The following GMFB variants were observed in gnomAD, a reference collection of about 807,000 sequenced individuals.
The protein encoded by GMFB is glia maturation factor beta.
GMFB carries 13 observed loss-of-function variants against 25.6 expected under a neutral mutation model. That is an observed-to-expected ratio of 0.51 (90% CI 0.33 to 0.81). The LOEUF is 0.81. GMFB is among the 30% of genes least tolerant of loss of function. The pLI, the probability that GMFB is intolerant of heterozygous loss-of-function variation, is 0.02. For synonymous variants in GMFB, 57 were observed against 56.9 expected (o/e 1.00, Z 0.00); for missense variants, 146 against 175.4 (o/e 0.83, Z 0.95).
At chr14:54,481,006 T>C (rs2031704112) in intron 4 of GMFB, 50 bp from the exon 5 acceptor site, 2 of 835,234 alleles carry the variant, frequency 2.4e-6, no homozygotes, top group Non-Finnish European at 4.0e-6. Context: ...GACAGGTATT[T>C]ACCAACACCT....
intron 2 of GMFB, 198 bp downstream of exon 2, chr14:54,483,473 G>A (rs541327450): frequency 3.6e-6 from 2 of 554,394 alleles, no homozygotes; most frequent in Non-Finnish European, 6.4e-6. Context: ...GACTATGGGG[G>A]AGGTGGGACA....
intron 1 of GMFB, chr14:54,484,100 ACTGT>A: frequency 2.7e-6 from 1 of 365,118 alleles, no homozygotes; most frequent in African/African-American, 2.1e-5. Flanking sequence ...GTCAAGAATC[ACTGT>A]CTGCTGTTAG....
At position 54,480,882 on chromosome 14, in the gene GMFB, C is replaced by A; in HGVS notation, c.275G>T (p.Ser92Ile). 1 of 1,484,386 alleles carries A rather than the reference C, an allele frequency of 6.7e-7. No homozygotes were observed. Among genetic ancestry groups the A allele is most frequent in the Non-Finnish European group, 9.3e-7 (1 of 1,070,546 alleles). 92.0% of individuals were successfully genotyped at this position (1,484,386 alleles called of 1,614,324 possible). ...VSYPLCFIFS[S>I]PVGCKPEQQM... ...TAAAGAAATTCACTTACCAACAGGACTGGAGAAAATAAAGCACAGAGGATA... is the reference window on the plus strand; with the variant it reads ...TAAAGAAATTCACTTACCAACAGGAATGGAGAAAATAAAGCACAGAGGATA... The change falls in exon 5 of 7, where the codon AGT (serine) becomes ATT (isoleucine). Residue 92 changes from serine (S) to isoleucine (I), a missense_variant. By Grantham distance (142) the Ser-to-Ile change is moderately radical (BLOSUM62 -2). Coordinates refer to ENST00000358056, the MANE Select transcript of GMFB (RefSeq NM_004124.3).
chr14:54,488,672 G>A (rs2031823000), intron 1 of GMFB: 2 of 434,428 alleles, frequency 4.6e-6, no homozygotes, highest in African/African-American at 2.1e-5. Context: ...CCCCCTGCTC[G>A]TGGCCGCACC....
intron 1 of GMFB, among the ~76,000 whole-genome samples, chr14:54,488,408 G>A (rs1303988310): frequency 6.6e-6 from 1 of 152,238 alleles, no homozygotes; most frequent in Non-Finnish European, 1.5e-5. Flanking sequence ...TCTGTAGGAA[G>A]CTAGGGAAAG....
intron 2 of GMFB, 98 bp from the exon 3 acceptor site, chr14:54,482,300 T>A (rs1051026259): frequency 1.1e-5 from 8 of 731,870 alleles, no homozygotes; most frequent in Non-Finnish European, 1.9e-5. Context: ...ACATCTAAAA[T>A]TAAAACATCA....
In GMFB at chr14:54,488,915, G is replaced by A. The variant is rs2031827821; in HGVS notation, c.3+10C>T. 2.6e-6 allele frequency: 4 copies of A among 1,561,866 alleles called. No homozygotes were observed. The highest frequency in any genetic ancestry group is 1.2e-5 in the South Asian group (1 of 85,832). ...GCCCTCCGGCCCCCGCCCTCCCAGCGGCAACTCACCATTTTCCTTCCGGCC... is the reference window on the plus strand; with the variant it reads ...GCCCTCCGGCCCCCGCCCTCCCAGCAGCAACTCACCATTTTCCTTCCGGCC... On this transcript the variant is annotated intron_variant, in intron 1 of 6. Coordinates refer to ENST00000358056, the MANE Select transcript of GMFB (RefSeq NM_004124.3).
chr14:54,487,113 G>A (rs1435724941), intron 1 of GMFB, among the ~76,000 whole-genome samples: 1 of 152,156 alleles, frequency 6.6e-6, no homozygotes, highest in Admixed American at 6.5e-5. Context: ...TATAGATCTG[G>A]GGTCAGGCGC....
At chr14:54,483,228 C>T (rs1323000724) in intron 2 of GMFB, 1 of 155,560 alleles carries the variant, frequency 6.4e-6, no homozygotes, top group Admixed American at 6.3e-5. Context: ...AAGTACTCTT[C>T]CTGAAACCAG....
rs549670009 is a variant in GMFB, at chr14:54,477,299, G to C, written c.*789C>G. On this transcript the variant is annotated 3_prime_UTR_variant, in exon 7 of 7. Coordinates refer to ENST00000358056, the MANE Select transcript of GMFB (RefSeq NM_004124.3). The stretch of plus-strand genomic sequence containing the variant: ...TTAAAGCTAACAAATCAAAGGCACA[G>C]TATTAACACATTTAAAATAATTAGT... 2.2e-4 allele frequency: 34 copies of C among 152,528 alleles called. No individual in the cohort carries two copies. The highest frequency in any genetic ancestry group is 8.2e-4 in the African/African-American group (34 of 41,542). The allele number at this position is 152,528 out of a possible 1,614,324, so 9.4% of individuals were successfully genotyped here. A position where few individuals can be genotyped will look rare whatever the true frequency, so the allele number is the denominator to read the frequency against.
At position 54,484,013 on chromosome 14, in the gene GMFB, T is replaced by A. The variant is rs949088391; in HGVS notation, c.4-246A>T. The A allele has an allele frequency of 1.2e-5, 7 of 586,578 alleles. No homozygotes were observed. In the African/African-American group the frequency reaches 1.3e-4, roughly 11 times the overall value. The allele number at this position is 586,578 out of a possible 1,614,324, so 36.3% of individuals were successfully genotyped here. On this transcript the variant is annotated intron_variant, in intron 1 of 6. Coordinates refer to ENST00000358056, the MANE Select transcript of GMFB (RefSeq NM_004124.3). Reference sequence around the variant, plus strand: ...ATATTTTAACTTTCTCTTTGGCTAATGAATGTCTCAAAAACCACACACATA... The same window carrying A: ...ATATTTTAACTTTCTCTTTGGCTAAAGAATGTCTCAAAAACCACACACATA...
chr14:54,483,775 A>C lies in GMFB; in HGVS notation c.4-8T>G. 6.5e-7 allele frequency: 1 copy of C among 1,533,984 alleles called. No homozygotes were observed. The highest frequency in any genetic ancestry group is 9.0e-7 in the Non-Finnish European group (1 of 1,110,872). ...AACAACCAAAGACTCACTCTATAAAAGAAAAAAAACACACATAAAATGCCA... is the reference window on the plus strand; with the variant it reads ...AACAACCAAAGACTCACTCTATAAACGAAAAAAAACACACATAAAATGCCA... On this transcript the variant is annotated splice_polypyrimidine_tract_variant and splice_region_variant and intron_variant, in intron 1 of 6. Transcript: ENST00000358056.
In GMFB at chr14:54,481,457, C is replaced by T. The variant is rs750867360; in HGVS notation, c.152G>A (p.Gly51Asp). 11 of 1,606,268 alleles carry T rather than the reference C, an allele frequency of 6.8e-6. No individual in the cohort carries two copies. In the South Asian group the frequency reaches 1.1e-4, roughly 16 times the overall value. Residue 51 changes from glycine (G) to aspartate (D), a missense_variant and splice_region_variant, in exon 4 of 7, where the codon GGC becomes GAC. Physicochemically the swap from Gly to Asp is moderately conservative, Grantham distance 94. Transcript: ENST00000358056. ...RLVVLDEELE[G>D]ISPDELKDEL... is the part of the protein sequence containing the mutation. ...ATCTTTAAGTTCATCTGGTGAAATG[C>T]CCTGGCACCACAGAGAAAAGCAACT...
In GMFB at chr14:54,483,663, T is replaced by G; in HGVS notation, c.100+8A>C. The G allele has an allele frequency of 6.9e-7, 1 of 1,443,128 alleles. No individual in the cohort carries two copies. Among genetic ancestry groups the G allele is most frequent in the South Asian group, 1.2e-5 (1 of 86,126 alleles). The allele number at this position is 1,443,128 out of a possible 1,614,324, so 89.4% of individuals were successfully genotyped here. On this transcript the variant is annotated splice_region_variant and intron_variant, in intron 2 of 6. Transcript: ENST00000358056. ...CATGTAACTTTGAGGCAATCACTTT[T>G]AGCTTACTTATAATAGCAGCGTTGT...
chr14:54,478,170 A>C lies in GMFB; in HGVS notation c.358-11T>G. 1 of 1,179,026 alleles carries C rather than the reference A, an allele frequency of 8.5e-7. No individual in the cohort carries two copies. The highest frequency in any genetic ancestry group is 1.2e-6 in the Non-Finnish European group (1 of 861,512). 73.0% of individuals were successfully genotyped at this position (1,179,026 alleles called of 1,614,324 possible). A position where few individuals can be genotyped will look rare whatever the true frequency, so the allele number is the denominator to read the frequency against. ...TCTTATTTCAAATACCTTTAAAAAA[A>C]AAAAAAACTTGGGTCATACTTTGAC... On this transcript the variant is annotated splice_polypyrimidine_tract_variant and intron_variant, in intron 6 of 6. Transcript: ENST00000358056.
chr14:54,480,850 T>C (rs757652768), intron 5 of GMFB, 24 bp downstream of exon 5: 3 of 1,172,774 alleles, frequency 2.6e-6, no homozygotes, highest in Non-Finnish European at 3.8e-6. Flanking sequence ...GCCAAATATG[T>C]GTTATTTAAA....
rs777047523 is a variant in GMFB at position 54,478,014 on chromosome 14, T to C, written c.*74A>G. ...GTAAGTAACAGTGCATTTTTAGGCA[T>C]AAATAAGTATTTATGTCTGATTCCA... On this transcript the variant is annotated 3_prime_UTR_variant, in exon 7 of 7. Coordinates refer to ENST00000358056, the MANE Select transcript of GMFB (RefSeq NM_004124.3). The C allele has an allele frequency of 2.0e-5, 13 of 665,694 alleles. No individual in the cohort carries two copies. Among genetic ancestry groups the C allele is most frequent in the South Asian group, 6.4e-5 (3 of 47,146 alleles). The allele number at this position is 665,694 out of a possible 1,614,324, so 41.2% of individuals were successfully genotyped here.
intron 5 of GMFB, chr14:54,480,096 T>C: frequency 2.6e-6 from 1 of 387,228 alleles, no homozygotes; most frequent in Non-Finnish European, 4.7e-6. Flanking sequence ...TTCTAGACAT[T>C]TGTAGATCCT....
intron 3 of GMFB, 141 bp from the exon 4 acceptor site, chr14:54,481,599 C>T (rs779508562): frequency 5.3e-5 from 33 of 626,240 alleles, no homozygotes; most frequent in Admixed American, 2.2e-4. Context: ...CTAAATTATA[C>T]ATAAACTCAG....
Sources: allele counts gnomAD v4.1 joint callset (sites outside exome capture counted in the v4.1 genomes callset), GRCh38; gene constraint gnomAD v4.1.1; transcripts MANE v1.5; gene names NCBI Gene and HGNC (gene_info 2026-07-23, HGNC 2026-07-21).